RESF1: variants seen among roughly 807,000 people sequenced by gnomAD.
RESF1 encodes the protein gonad expressed transcript.
RESF1 carries 65 observed loss-of-function variants against 134.7 expected under a neutral mutation model. The observed-to-expected ratio is 0.48, with a 90% CI of 0.40 to 0.59. The LOEUF (loss-of-function observed/expected upper bound fraction) is 0.59, where lower values mean the gene tolerates loss of function less well. Ranked by LOEUF, RESF1 falls within the 20% of genes least tolerant of loss-of-function variation. RESF1 has a pLI of 0.00. For synonymous variants in RESF1, 762 were observed against 702.2 expected (o/e 1.09, Z -1.35); for missense variants, 2,274 against 2,002.7 (o/e 1.14, Z -2.59).
chr12:31,974,898 A>G (rs1939595879), intron 3 of RESF1, among the ~76,000 whole-genome samples: 1 of 151,736 alleles, frequency 6.6e-6, no homozygotes, highest in African/African-American at 2.4e-5. Flanking sequence ...TGAGAGTTGT[A>G]AAATGAGTGT....
At chr12:31,968,832 G>A (rs1414184293) in intron 2 of RESF1, among the ~76,000 whole-genome samples, 6 of 152,224 alleles carry the variant, frequency 3.9e-5, no homozygotes, top group Non-Finnish European at 7.3e-5. Flanking sequence ...CTACATGCAT[G>A]TGTCTTTTGG....
Position 31,983,063 on chromosome 12 carries a change from T to C in RESF1, c.2108T>C (p.Val703Ala), listed in dbSNP as rs775887856. The C allele has an allele frequency of 3.1e-6, 5 of 1,613,756 alleles. No individual in the cohort carries two copies. The highest frequency in any genetic ancestry group is 2.2e-5 in the South Asian group (2 of 91,010). ...CDKLRTNTTAVGISKPANIHV... is the reference protein window; with the variant it reads ...CDKLRTNTTAAGISKPANIHV... ...AAACTCAGAACAAACACAACAGCAG[T>C]TGGAATTTCAAAGCCTGCTAACATC... The change falls in exon 4 of 6, where the codon GTT becomes GCT. Residue 703 changes from valine to alanine, a missense_variant. Val to Ala is a moderately conservative substitution (Grantham distance 64). Transcript: ENST00000312561.
intron 2 of RESF1, among the ~76,000 whole-genome samples, chr12:31,969,279 G>A (rs4930999): frequency 0.79 from 120,858 of 152,148 alleles, 47,943 homozygotes; most frequent in South Asian, 0.83. Flanking sequence ...TCTTAGGCTG[G>A]GATGGCTTGA....
intron 2 of RESF1, chr12:31,962,505 G>A (rs1939297920): frequency 6.6e-6 from 1 of 152,172 alleles, no homozygotes. Flanking sequence ...AATACCTTAA[G>A]TGTACTTGTA....
At chr12:31,977,079 C>T (rs192307253) in intron 3 of RESF1, among the ~76,000 whole-genome samples, 2 of 152,144 alleles carry the variant, frequency 1.3e-5, no homozygotes, top group East Asian at 1.9e-4. Flanking sequence ...TTTTGATAAA[C>T]AGTGGTGATT....
At chr12:31,980,855 TA>T in intron 3 of RESF1, 22 bp from the exon 4 acceptor site, 1 of 899,534 alleles carries the variant, frequency 1.1e-6, no homozygotes, top group African/African-American at 1.7e-5. Flanking sequence ...AGCATTTTAA[TA>T]AAATATCTTT....
Position 31,984,662 on chromosome 12 carries a change from A to C in RESF1, c.3707A>C (p.Asn1236Thr). Residue 1236 changes from asparagine (N) to threonine (T), a missense_variant, in exon 4 of 6, where the codon AAT becomes ACT. Asn to Thr is a moderately conservative substitution (Grantham distance 65). Transcript: ENST00000312561. ...VTVVQFKSLVNNPKTPPDGKS... is the reference protein window; with the variant it reads ...VTVVQFKSLVTNPKTPPDGKS... ...GTTGTTCAATTTAAGAGCCTTGTAA[A>C]TAATCCAAAGACTCCTCCAGATGGG... 6.3e-7 allele frequency: 1 copy of C among 1,580,490 alleles called. No individual in the cohort carries two copies. Among genetic ancestry groups the C allele is most frequent in the Non-Finnish European group, 8.5e-7 (1 of 1,170,616 alleles).
intron 2 of RESF1, among the ~76,000 whole-genome samples, chr12:31,969,163 A>T (rs1160247417): frequency 6.6e-6 from 1 of 152,128 alleles, no homozygotes; most frequent in African/African-American, 2.4e-5. Context: ...TGTGTTGCCC[A>T]TGCTGGTTTT....
At chr12:31,968,422 C>G (rs1939442573) in intron 2 of RESF1, among the ~76,000 whole-genome samples, 2 of 151,556 alleles carry the variant, frequency 1.3e-5, no homozygotes. Context: ...GGACTTTTTC[C>G]CATCTATAAG....
chr12:31,977,595 C>A (rs189737791), intron 3 of RESF1, among the ~76,000 whole-genome samples: 1 of 152,098 alleles, frequency 6.6e-6, no homozygotes, highest in Non-Finnish European at 1.5e-5. Context: ...ATATAGATAA[C>A]CAATTGACCT....
In RESF1 at chr12:31,985,437, A is replaced by G. The variant is rs370789000; in HGVS notation, c.4482A>G (p.Ser1494=). The G allele has an allele frequency of 6.1e-5, 98 of 1,606,926 alleles. No homozygotes were observed. Among genetic ancestry groups the G allele is most frequent in the African/African-American group, 1.3e-5 (1 of 74,394 alleles). ...TGCAGGTTGAAAGTTGTGGGAAATC[A>G]AATGAGAAACACAGCAGCGGCGTGC... The part of the protein sequence containing the change: ...LAVQVESCGK[S]NEKHSSGVQT... The change falls in exon 4 of 6, where the codon TCA becomes TCG. Residue 1494 remains serine, a synonymous_variant. Transcript: ENST00000312561.
intron 3 of RESF1, among the ~76,000 whole-genome samples, chr12:31,972,872 A>G (rs1346935477): frequency 1.3e-5 from 2 of 151,930 alleles, no homozygotes; most frequent in Admixed American, 1.3e-4. Context: ...ATTTACCTCT[A>G]ATGTTTTACT....
At chr12:31,964,268 T>TC in intron 2 of RESF1, among the ~76,000 whole-genome samples, 1 of 151,648 alleles carries the variant, frequency 6.6e-6, no homozygotes, top group East Asian at 1.9e-4. Context: ...AATTAGTTGT[T>TC]TTTTTTTCAA....
In RESF1 at chr12:31,985,799, A is replaced by G. The variant is rs1939958668; in HGVS notation, c.4844A>G (p.Asn1615Ser). The change falls in exon 4 of 6, where the codon AAT becomes AGT. Residue 1615 changes from asparagine to serine, a missense_variant. By Grantham distance (46) the Asn-to-Ser change is conservative. Transcript: ENST00000312561. The part of the protein sequence containing the change: ...RKLHKDKRQE[N>S]KHKTFLPVKG... ...CTTCATAAAGATAAGAGACAGGAAA[A>G]TAAACATAAGACCTTTTTACCGGTG... 6.4e-7 allele frequency: 1 copy of G among 1,567,234 alleles called. No individual in the cohort carries two copies. The highest frequency in any genetic ancestry group is 2.2e-5 in the Admixed American group (1 of 45,952).
At chr12:31,963,942 C>T (rs149441285) in intron 2 of RESF1, among the ~76,000 whole-genome samples, 6 of 152,246 alleles carry the variant, frequency 3.9e-5, no homozygotes, top group East Asian at 1.9e-4. Context: ...AGTTAACAGA[C>T]GTTTGACACG....
Position 31,985,537 on chromosome 12 carries a change from AAAAC to A in RESF1, c.4584_4587del (p.Lys1528AsnfsTer5). ...CAAAATCCACCATTCTCAGGAGTCT[AAAAC>A]ATACAACATTCTAAGGAATGTTAAA... On this transcript the variant is annotated frameshift_variant, in exon 4 of 6. Coordinates refer to ENST00000312561, the MANE Select transcript of RESF1 (RefSeq NM_018169.4). LOFTEE classifies it high-confidence loss of function. 1 of 1,599,366 alleles carries A rather than the reference AAAAC, an allele frequency of 6.3e-7. No homozygotes were observed. The highest frequency in any genetic ancestry group is 8.5e-7 in the Non-Finnish European group (1 of 1,175,908).
Position 31,977,801 on chromosome 12 carries a change from CT to C in RESF1, c.-78-3056del, listed in dbSNP as rs3075963. ...ACTCTTAATTACTTTTTCTTTCTTTCTTTTTTTTTTTTTTTTTTTTTGAGAC... is the reference window on the plus strand; with the variant it reads ...ACTCTTAATTACTTTTTCTTTCTTTCTTTTTTTTTTTTTTTTTTTTGAGAC... On this transcript the variant is annotated intron_variant, in intron 3 of 5. Coordinates refer to ENST00000312561, the MANE Select transcript of RESF1 (RefSeq NM_018169.4). Among the ~76,000 whole-genome samples, 444 of 124,326 alleles carry C rather than the reference CT, an allele frequency of 3.6e-3. 1 individual carries two copies. The highest frequency in any genetic ancestry group is 6.7e-3 in the African/African-American group (230 of 34,338). The allele number at this position is 124,326 out of a possible 152,430, so 81.6% of individuals were successfully genotyped here. A position where few individuals can be genotyped will look rare whatever the true frequency, so the allele number is the denominator to read the frequency against.
In RESF1 at chr12:31,983,276, T is replaced by C. The variant is rs1182758397; in HGVS notation, c.2321T>C (p.Leu774Ser). The change falls in exon 4 of 6, where the codon TTG (leucine) becomes TCG (serine). Residue 774 changes from leucine (L) to serine (S), a missense_variant. Physicochemically the swap from Leu to Ser is moderately radical, Grantham distance 145. Transcript: ENST00000312561. ...TTAGTTCTGTCAGAGGTCAAAACAT[T>C]GTCTGTCAAAGGAATAACACCTGCA... ...SPLVLSEVKT[L>S]SVKGITPAVL... 10 of 1,613,282 alleles carry C rather than the reference T, an allele frequency of 6.2e-6. No homozygotes were observed. Among genetic ancestry groups the C allele is most frequent in the Non-Finnish European group, 8.5e-6 (10 of 1,179,644 alleles).
chr12:31,982,776 G>C lies in RESF1; in HGVS notation c.1821G>C (p.Gln607His). The change falls in exon 4 of 6, where the codon CAG (glutamine) becomes CAC (histidine). Residue 607 changes from glutamine to histidine, a missense_variant. Gln to His is a conservative substitution (Grantham distance 24). Transcript: ENST00000312561. ...TVLKDANQTI[Q>H]DSKPDSCEMN... ...TAAAAGATGCTAATCAAACTATTCA[G>C]GATTCTAAACCAGACAGTTGTGAAA... 2 of 1,614,060 alleles carry C rather than the reference G, an allele frequency of 1.2e-6. No homozygotes were observed. The highest frequency in any genetic ancestry group is 1.3e-5 in the African/African-American group (1 of 75,042).
Sources: allele counts gnomAD v4.1 joint callset (sites outside exome capture counted in the v4.1 genomes callset), GRCh38; gene constraint gnomAD v4.1.1; transcripts MANE v1.5; gene names NCBI Gene and HGNC (gene_info 2026-07-23, HGNC 2026-07-21).